SEMA4D: variants seen among roughly 807,000 people sequenced by gnomAD.
SEMA4D encodes semaphorin-4D.
In SEMA4D, 22 loss-of-function variants were observed where a neutral mutation model predicts 74.8. The observed-to-expected ratio is 0.29, with a 90% CI of 0.21 to 0.42. The LOEUF (loss-of-function observed/expected upper bound fraction) is 0.42. SEMA4D is among the 10% of genes least tolerant of loss of function. SEMA4D has a pLI of 1.00. For synonymous variants in SEMA4D, 445 were observed against 463.7 expected, an observed-to-expected ratio of 0.96 and a Z score of 0.52; for missense variants, 937 against 1,118.4, an observed-to-expected ratio of 0.84 and a Z score of 2.31.
At chr9:89,474,988 G>T (rs950532430) in intron 1 of SEMA4D, among the ~76,000 whole-genome samples, 2 of 152,222 alleles carry the variant, frequency 1.3e-5, no homozygotes, top group African/African-American at 4.8e-5. Context: ...GGGGCTACAG[G>T]GAGGGTTTCA....
chr9:89,490,212 T>A (rs571821713), intron 1 of SEMA4D, among the ~76,000 whole-genome samples: 2 of 152,366 alleles, frequency 1.3e-5, no homozygotes, highest in Admixed American at 1.3e-4. Flanking sequence ...GGTTGAGTTG[T>A]AGCTCCCAGC....
At chr9:89,400,715 G>A (rs912194056) in intron 4 of SEMA4D, among the ~76,000 whole-genome samples, 17 of 152,314 alleles carry the variant, frequency 1.1e-4, no homozygotes, top group African/African-American at 2.9e-4. Flanking sequence ...ACAAGGGAAC[G>A]TACACTTCAA....
intron 1 of SEMA4D, among the ~76,000 whole-genome samples, chr9:89,458,741 G>A (rs1035160825): frequency 4.6e-5 from 7 of 151,562 alleles, no homozygotes; most frequent in African/African-American, 1.7e-4. Context: ...ACACACTCAT[G>A]CACACACACA....
rs773049602 is a variant in SEMA4D, at chr9:89,405,665, C to T, written c.-209G>A. ...GCTCTCACCACCGCAATGTCAAAGCCCACTTGATACTTCTTCAGGGCCTCA... is the reference window on the plus strand; with the variant it reads ...GCTCTCACCACCGCAATGTCAAAGCTCACTTGATACTTCTTCAGGGCCTCA... On this transcript the variant is annotated 5_prime_UTR_variant, in exon 3 of 16. Coordinates refer to ENST00000422704, the MANE Select transcript of SEMA4D (RefSeq NM_001371194.2). 17 of 1,416,038 alleles carry T rather than the reference C, an allele frequency of 1.2e-5. No individual in the cohort carries two copies. The highest frequency in any genetic ancestry group is 1.6e-5 in the Non-Finnish European group (17 of 1,088,962). 87.7% of individuals were successfully genotyped at this position (1,416,038 alleles called of 1,614,324 possible). A position where few individuals can be genotyped will look rare whatever the true frequency, so the allele number is the denominator to read the frequency against.
At chr9:89,370,429 GGC>G (rs1319548598) in intron 16 of SEMA4D, among the ~76,000 whole-genome samples, 2 of 151,074 alleles carry the variant, frequency 1.3e-5, no homozygotes, top group East Asian at 2.0e-4. Flanking sequence ...TGTGGTGTGT[GGC>G]TGGTGTGTGG....
intron 2 of SEMA4D, among the ~76,000 whole-genome samples, chr9:89,425,456 C>G (rs780124433): frequency 6.6e-6 from 1 of 152,240 alleles, no homozygotes; most frequent in Non-Finnish European, 1.5e-5. Context: ...CTGCGAGGGT[C>G]AGGCTGTGAG....
intron 12 of SEMA4D, 25 bp downstream of exon 12, chr9:89,387,361 A>G (rs1232021852): frequency 6.3e-7 from 1 of 1,577,832 alleles, no homozygotes; most frequent in South Asian, 1.1e-5. Context: ...GTCACTGTCA[A>G]GCCTGCCAAG....
intron 1 of SEMA4D, among the ~76,000 whole-genome samples, chr9:89,463,591 C>A (rs1857881606): frequency 6.6e-6 from 1 of 152,150 alleles, no homozygotes; most frequent in Non-Finnish European, 1.5e-5. Context: ...TTAGCGTCAA[C>A]CAGTCTCCAA....
chr9:89,385,069 G>C, intron 13 of SEMA4D: 4 of 982,534 alleles, frequency 4.1e-6, no homozygotes, highest in Non-Finnish European at 4.8e-6. Context: ...TCCTGGGCGC[G>C]AGGCTCCCTG....
chr9:89,403,199 G>A (rs1445422002), intron 3 of SEMA4D, among the ~76,000 whole-genome samples, 183 bp from the exon 4 acceptor site: 4 of 152,184 alleles, frequency 2.6e-5, no homozygotes, highest in South Asian at 4.1e-4. Context: ...CTCAGTCAAC[G>A]CCAGACCCAC....
At chr9:89,405,838 A>G (rs1843204615) in intron 2 of SEMA4D, 139 bp from the exon 3 acceptor site, 1 of 1,288,766 alleles carries the variant, frequency 7.8e-7, no homozygotes, top group African/African-American at 1.5e-5. Context: ...CGGGGGACAA[A>G]GAGAGTCTTA....
chr9:89,376,954 C>T (rs1388204734), downstream of SEMA4D: 1 of 1,550,540 alleles, frequency 6.4e-7, no homozygotes, highest in East Asian at 2.4e-5. Flanking sequence ...CCGAGGCTGG[C>T]CAGGGGGTCC....
chr9:89,404,302 C>T (rs776946611), intron 3 of SEMA4D, among the ~76,000 whole-genome samples: 11 of 152,292 alleles, frequency 7.2e-5, no homozygotes, highest in Non-Finnish European at 1.2e-4. Flanking sequence ...TTTGGCAGCA[C>T]GCCGCGAACA....
chr9:89,405,593 G>T lies in SEMA4D; in HGVS notation c.-137C>A. ...ACAGCCTGGAGCTCGTGAACAGCGC[G>T]GTCCCTGAGAATCCACATTTCCCAG... On this transcript the variant is annotated 5_prime_UTR_variant, in exon 3 of 16. Transcript: ENST00000422704. The T allele has an allele frequency of 6.9e-7, 1 of 1,452,564 alleles. No homozygotes were observed. The highest frequency in any genetic ancestry group is 9.0e-7 in the Non-Finnish European group (1 of 1,106,310). The allele number at this position is 1,452,564 out of a possible 1,614,324, so 90.0% of individuals were successfully genotyped here. A position where few individuals can be genotyped will look rare whatever the true frequency, so the allele number is the denominator to read the frequency against.
At chr9:89,454,595 G>C (rs1221466578) in intron 2 of SEMA4D, among the ~76,000 whole-genome samples, 1 of 152,228 alleles carries the variant, frequency 6.6e-6, no homozygotes, top group East Asian at 1.9e-4. Context: ...GACCTGCATA[G>C]GTGGCTGCTG....
At chr9:89,495,869 C>T (rs1825970148) in intron 1 of SEMA4D, among the ~76,000 whole-genome samples, 2 of 150,966 alleles carry the variant, frequency 1.3e-5, no homozygotes, top group South Asian at 4.2e-4. Context: ...TGCAGAAGCA[C>T]AGAAGATAGA....
At chr9:89,363,860 CTGCCATCGGGCAGTGCATGGGTCT>C (rs1270606074) in exon 17 of SEMA4D, 2 of 1,614,128 alleles carry the variant, frequency 1.2e-6, no homozygotes, top group South Asian at 1.1e-5. Flanking sequence ...TGCATGGGCC[CTGCCATCGGGCAGTGCATGGGTCT>C]GCACAGGGAC....
chr9:89,444,116 TCCTAGACA>T (rs1458159486), intron 2 of SEMA4D, among the ~76,000 whole-genome samples: 3 of 152,230 alleles, frequency 2.0e-5, no homozygotes, highest in African/African-American at 7.2e-5. Context: ...ACATTTATTG[TCCTAGACA>T]CCTTGCCTTT....
In SEMA4D at chr9:89,378,737, C is replaced by T; in HGVS notation, c.2556G>A (p.Leu852=). Reference sequence around the variant, plus strand: ...CATCTGCGTCTGAGTCAGCGAACTTCAGCTCACACTTGACGTCAAAGGGCT... The same window carrying T: ...CATCTGCGTCTGAGTCAGCGAACTTTAGCTCACACTTGACGTCAAAGGGCT... The part of the protein sequence containing the change: ...RDKPFDVKCE[L]KFADSDADGD Residue 852 remains leucine (L), a synonymous_variant, in exon 16 of 16, where the codon CTG becomes CTA. Coordinates refer to ENST00000422704, the MANE Select transcript of SEMA4D (RefSeq NM_001371194.2). 6.2e-7 allele frequency: 1 copy of T among 1,614,180 alleles called. No individual in the cohort carries two copies. The highest frequency in any genetic ancestry group is 8.5e-7 in the Non-Finnish European group (1 of 1,180,020).
Sources: allele counts gnomAD v4.1 joint callset (sites outside exome capture counted in the v4.1 genomes callset), GRCh38; gene constraint gnomAD v4.1.1; transcripts MANE v1.5; gene names NCBI Gene and HGNC (gene_info 2026-07-23, HGNC 2026-07-21).